Variants in ZP3 observed in about 807,000 individuals in gnomAD.
The protein encoded by ZP3 is zona pellucida glycoprotein 3, also known as zona pellucida sperm-binding protein 3.
Under a neutral mutation model 35.6 loss-of-function variants are expected in ZP3, and 21 were observed. That is an observed-to-expected ratio of 0.59 (90% CI 0.42 to 0.85). The LOEUF is 0.85. Ranked by LOEUF, ZP3 falls within the 40% of genes least tolerant of loss-of-function variation. ZP3 has a pLI of 0.00. For synonymous variants in ZP3, 207 were observed against 214.5 expected (o/e 0.96, Z 0.31); for missense variants, 437 against 536.5 (o/e 0.81, Z 1.83).
rs766916429 is a variant in ZP3 at position 76,440,586 on chromosome 7, G to A, written c.1035G>A (p.Arg345=). 24 of 1,613,582 alleles carry A rather than the reference G, an allele frequency of 1.5e-5. No individual in the cohort carries two copies. Among genetic ancestry groups the A allele is most frequent in the Admixed American group, 3.3e-5 (2 of 59,950 alleles). The change falls in exon 7 of 8, where the codon AGG becomes AGA. Residue 345 remains arginine, a synonymous_variant. Transcript: ENST00000394857. ...CTCATGTCATGAGCCAGTGGTCCAGGTCTGCTTCCCGTAACCGCAGGCATG... is the reference window on the plus strand; with the variant it reads ...CTCATGTCATGAGCCAGTGGTCCAGATCTGCTTCCCGTAACCGCAGGCATG... The part of the protein sequence containing the change: ...RQPHVMSQWS[R]SASRNRRHVT...
Position 76,440,350 on chromosome 7 carries a change from G to C in ZP3, c.923+9G>C. ...AGCAAGCCTTCCAACAGGTGAGGAG[G>C]ACAGGTGCTCCGTGACTGGAGTAGA... On this transcript the variant is annotated intron_variant, in intron 6 of 7. Coordinates refer to ENST00000394857, the MANE Select transcript of ZP3 (RefSeq NM_001110354.2). The C allele has an allele frequency of 6.3e-7, 1 of 1,595,656 alleles. No homozygotes were observed. The highest frequency in any genetic ancestry group is 8.6e-7 in the Non-Finnish European group (1 of 1,168,696).
At chr7:76,428,447 G>A (rs898805779) in intron 1 of ZP3, among the ~76,000 whole-genome samples, 5 of 152,164 alleles carry the variant, frequency 3.3e-5, no homozygotes, top group Admixed American at 6.6e-5. Flanking sequence ...ACTCTACTGG[G>A]GTAGGGCCTA....
chr7:76,408,700 C>T (rs951994061), intron 1 of ZP3, among the ~76,000 whole-genome samples: 3 of 152,196 alleles, frequency 2.0e-5, no homozygotes, highest in African/African-American at 7.2e-5. Context: ...CTCCTACCCT[C>T]CCAGCTCCAA....
At chr7:76,440,404 C>T (rs771972236) in intron 6 of ZP3, 63 bp downstream of exon 6, 15 of 1,609,972 alleles carry the variant, frequency 9.3e-6, no homozygotes, top group Non-Finnish European at 1.2e-5. Flanking sequence ...TTGTCTATTT[C>T]CCCCAATATA....
At chr7:76,434,601 G>A (rs1282251667) in intron 5 of ZP3, among the ~76,000 whole-genome samples, 3 of 136,306 alleles carry the variant, frequency 2.2e-5, no homozygotes, top group Non-Finnish European at 4.8e-5. Flanking sequence ...TTGTGCCACT[G>A]CACCTCCAGC....
At chr7:76,433,121 G>GGTTTTA in intron 3 of ZP3, 91 bp downstream of exon 3, 1 of 542,330 alleles carries the variant, frequency 1.8e-6, no homozygotes, top group African/African-American at 3.7e-5. Flanking sequence ...TTGTTTGTTT[G>GGTTTTA]GTTTTGGTTT....
intron 1 of ZP3, among the ~76,000 whole-genome samples, chr7:76,426,458 C>T (rs1024088277): frequency 6.6e-6 from 1 of 152,212 alleles, no homozygotes; most frequent in Non-Finnish European, 1.5e-5. Flanking sequence ...GGGGGCAAGT[C>T]CAGCCCCTGG....
chr7:76,403,527 G>A lies in ZP3; in HGVS notation c.-67+5730G>A, dbSNP rs1584030652. Among the ~76,000 whole-genome samples, 4 of 151,320 alleles carry A rather than the reference G, an allele frequency of 2.6e-5. No homozygotes were observed. In the East Asian group the frequency reaches 7.8e-4, roughly 29 times the overall value. On this transcript the variant is annotated intron_variant, in intron 1 of 8. Coordinates refer to the ZP3 transcript ENST00000336517. Reference sequence around the variant, plus strand: ...TATTTTTTGTATTTTTAGTAGAGACGGGGTTTCACCATGTTGGCCGGGCTG... The same window carrying A: ...TATTTTTTGTATTTTTAGTAGAGACAGGGTTTCACCATGTTGGCCGGGCTG...
intron 4 of ZP3, 137 bp downstream of exon 4, chr7:76,433,784 T>C: frequency 1.8e-6 from 2 of 1,102,422 alleles, no homozygotes; most frequent in Non-Finnish European, 1.3e-6. Context: ...CTGCAACCTC[T>C]GCCTCCCAGG....
At chr7:76,439,171 A>T (rs1259165948) in intron 5 of ZP3, among the ~76,000 whole-genome samples, 1 of 145,346 alleles carries the variant, frequency 6.9e-6, no homozygotes, top group Non-Finnish European at 1.5e-5. Context: ...TCTGAAATGG[A>T]AACTCCACAG....
chr7:76,427,515 CAAA>C lies in ZP3; in HGVS notation c.313-1982_313-1980del, dbSNP rs71085411. 5.3e-3 allele frequency among the ~76,000 whole-genome samples: 556 copies of C among 104,778 alleles called. 6 individuals carry two copies. The highest frequency in any genetic ancestry group is 0.01 in the African/African-American group (283 of 28,234). The allele number at this position is 104,778 out of a possible 152,430, so 68.7% of individuals were successfully genotyped here. A position where few individuals can be genotyped will look rare whatever the true frequency, so the allele number is the denominator to read the frequency against. The stretch of plus-strand genomic sequence containing the variant: ...TGGGCAACAGAGTGAGACTCCGTCT[CAAA>C]AAAAAAAAAAAAAAAAATACAGCCA... On this transcript the variant is annotated intron_variant, in intron 1 of 7. Transcript: ENST00000394857.
At chr7:76,437,357 G>T (rs1806049214) in intron 5 of ZP3, among the ~76,000 whole-genome samples, 1 of 152,100 alleles carries the variant, frequency 6.6e-6, no homozygotes, top group South Asian at 2.1e-4. Context: ...TGAATATTTA[G>T]TAGAGATGGG....
chr7:76,430,606 G>A lies in ZP3; in HGVS notation c.431+973G>A, dbSNP rs192660825. 2.5e-3 allele frequency among the ~76,000 whole-genome samples: 378 copies of A among 152,246 alleles called. 1 individual carries two copies. Among genetic ancestry groups the A allele is most frequent in the South Asian group, 6.8e-3 (33 of 4,830 alleles). On this transcript the variant is annotated intron_variant, in intron 2 of 7. Transcript: ENST00000394857. ...AAAAATTAGCCGAGTGTGGTAGCGC[G>A]TGCCTGTAATCTCAGCTACTCAGGA...
At chr7:76,427,412 G>T (rs1226994961) in intron 1 of ZP3, among the ~76,000 whole-genome samples, 1 of 151,384 alleles carries the variant, frequency 6.6e-6, no homozygotes, top group Non-Finnish European at 1.5e-5. Context: ...AGCTACTCAG[G>T]AGTCTGAGGC....
rs1348998069 is a variant in ZP3, at chr7:76,404,525, A to G, written c.-67+6728A>G. ...GAACATCTGAAATTAAAGATCCCAA[A>G]TGTTGCTGGGCCTCCCAGCACTTTG... On this transcript the variant is annotated intron_variant, in intron 1 of 8. Transcript: ENST00000336517. 5 of 1,598,872 alleles carry G rather than the reference A, an allele frequency of 3.1e-6. No individual in the cohort carries two copies. The Admixed American group carries it at 5.0e-5, about 16-fold the overall frequency.
At chr7:76,436,724 G>A (rs1305036239) in intron 5 of ZP3, among the ~76,000 whole-genome samples, 1 of 152,260 alleles carries the variant, frequency 6.6e-6, no homozygotes, top group African/African-American at 2.4e-5. Context: ...CCTCGGATCA[G>A]TGACCGATAG....
At chr7:76,427,153 C>G (rs1805689939) in intron 1 of ZP3, among the ~76,000 whole-genome samples, 1 of 152,144 alleles carries the variant, frequency 6.6e-6, no homozygotes, top group African/African-American at 2.4e-5. Context: ...TCTCAGGTGA[C>G]TCCAATGAGG....
chr7:76,434,956 G>A (rs1197432631), intron 5 of ZP3, among the ~76,000 whole-genome samples: 1 of 152,092 alleles, frequency 6.6e-6, no homozygotes, highest in Admixed American at 6.6e-5. Flanking sequence ...AGGAAGGAAT[G>A]AAGATGGGAA....
rs891157718 is a variant in ZP3 at position 76,434,103 on chromosome 7, C to T, written c.779C>T (p.Thr260Ile). 21 of 1,397,986 alleles carry T rather than the reference C, an allele frequency of 1.5e-5. 1 individual carries two copies. Among genetic ancestry groups the T allele is most frequent in the Non-Finnish European group, 2.0e-5 (20 of 1,012,108 alleles). 86.6% of individuals were successfully genotyped at this position (1,397,986 alleles called of 1,614,324 possible). A position where few individuals can be genotyped will look rare whatever the true frequency, so the allele number is the denominator to read the frequency against. ...AAAGTTCCTCGACCCGGGCCAGATA[C>T]ACTCCAGTTCACAGTGGATGTCTTC... ...AFKVPRPGPD[T>I]LQFTVDVFHF... The change falls in exon 5 of 8, where the codon ACA becomes ATA. Residue 260 changes from threonine to isoleucine, a missense_variant. Thr to Ile is a moderately conservative substitution (Grantham distance 89). Around this residue, in one of 6 missense-constraint regions of ZP3, gnomAD observed 26 missense variants for 78.2 expected, o/e 0.33. Transcript: ENST00000394857.
Sources: allele counts gnomAD v4.1 joint callset (sites outside exome capture counted in the v4.1 genomes callset), GRCh38; gene constraint gnomAD v4.1.1; regional missense constraint gnomAD v4.1.1; transcripts MANE v1.5; gene names NCBI Gene and HGNC (gene_info 2026-07-23, HGNC 2026-07-21).